The following CTNNB1 variants were observed in gnomAD, a reference collection of about 807,000 sequenced individuals.
CTNNB1 encodes catenin beta-1.
CTNNB1 carries 6 observed loss-of-function variants against 82.5 expected under a neutral mutation model. That is an observed-to-expected ratio of 0.07 (90% CI 0.04 to 0.14). The LOEUF (loss-of-function observed/expected upper bound fraction) is 0.14. Ranked by LOEUF, CTNNB1 falls within the 10% of genes least tolerant of loss-of-function variation. CTNNB1 has a pLI of 1.00. For missense variants in CTNNB1, 529 were observed against 980.4 expected (o/e 0.54, Z 6.15); for synonymous variants, 312 against 329.7 (o/e 0.95, Z 0.58).
At chr3:41,237,952 A>T in intron 13 of CTNNB1, 64 bp from the exon 14 acceptor site, 1 of 1,358,224 alleles carries the variant, frequency 7.4e-7, no homozygotes, top group Non-Finnish European at 1.1e-6. Context: ...AAAAAAAATT[A>T]GTGTACTTTT....
chr3:41,223,963 T>G, intron 1 of CTNNB1, 58 bp from the exon 2 acceptor site: 1 of 1,208,592 alleles, frequency 8.3e-7, no homozygotes, highest in South Asian at 1.2e-5. Flanking sequence ...CCCAGTGACT[T>G]AGGAGTATTA....
chr3:41,232,264 TG>T (rs2078326749), intron 7 of CTNNB1, among the ~76,000 whole-genome samples: 1 of 152,058 alleles, frequency 6.6e-6, no homozygotes, highest in African/African-American at 2.4e-5. Context: ...AGGGAGGGAA[TG>T]AAGTCTTAAA....
At chr3:41,213,434 T>G (rs1054619885) in intron 1 of CTNNB1, among the ~76,000 whole-genome samples, 2 of 152,242 alleles carry the variant, frequency 1.3e-5, no homozygotes, top group African/African-American at 4.8e-5. Context: ...AGTTACATAC[T>G]TTTTTGTAAT....
At chr3:41,238,157 CTGGGAAACCAGTGT>C (rs2078485553) in intron 14 of CTNNB1, 81 bp downstream of exon 14, 2 of 1,278,834 alleles carry the variant, frequency 1.6e-6, no homozygotes, top group Middle Eastern at 1.8e-4. Flanking sequence ...GTTTGCTCAT[CTGGGAAACCAGTGT>C]TGGCAGAAAA....
chr3:41,222,288 T>C (rs2078068208), intron 1 of CTNNB1: 1 of 152,232 alleles, frequency 6.6e-6, no homozygotes, highest in Non-Finnish European at 1.5e-5. Context: ...TTGATTTCTT[T>C]AGCAGTTAAT....
In CTNNB1 at chr3:41,204,162, A is replaced by G. The variant is rs1207418672; in HGVS notation, c.-49+4492A>G. 3.3e-5 allele frequency among the ~76,000 whole-genome samples: 5 copies of G among 152,212 alleles called. No homozygotes were observed. The East Asian group carries it at 9.7e-4, about 30-fold the overall frequency. On this transcript the variant is annotated intron_variant, in intron 1 of 14. Coordinates refer to ENST00000349496, the MANE Select transcript of CTNNB1 (RefSeq NM_001904.4). ...GAATGATTATTTCAGGATGGATTAA[A>G]TATTCCTCCATCAAGGACCATACTT...
At chr3:41,235,911 A>G in intron 11 of CTNNB1, 68 bp downstream of exon 11, 5 of 1,561,796 alleles carry the variant, frequency 3.2e-6, no homozygotes, top group Non-Finnish European at 4.4e-6. Context: ...GACTAATAAC[A>G]TTTCAGAAAA....
At chr3:41,219,376 A>G (rs560831693) in intron 1 of CTNNB1, among the ~76,000 whole-genome samples, 1 of 152,310 alleles carries the variant, frequency 6.6e-6, no homozygotes, top group South Asian at 2.1e-4. Flanking sequence ...AATTATTTTA[A>G]ACAGTAAAAT....
intron 7 of CTNNB1, among the ~76,000 whole-genome samples, chr3:41,228,636 TTGCCAGTACTTTCTCCCA>T (rs1394814110): frequency 9.8e-5 from 15 of 152,330 alleles, no homozygotes; most frequent in African/African-American, 2.6e-4. Context: ...GATGCATAGT[TTGCCAGTACTTTCTCCCA>T]TGCCAGTACT....
intron 1 of CTNNB1, among the ~76,000 whole-genome samples, chr3:41,211,318 T>A (rs1274278638): frequency 6.6e-6 from 1 of 152,196 alleles, no homozygotes; most frequent in East Asian, 1.9e-4. Context: ...TGTCTTCATA[T>A]CCAAAAATAT....
chr3:41,211,633 G>C (rs1451103221), intron 1 of CTNNB1, among the ~76,000 whole-genome samples: 3 of 152,084 alleles, frequency 2.0e-5, no homozygotes. Context: ...ATTTGATTTT[G>C]TTTCTGTGTT....
intron 1 of CTNNB1, among the ~76,000 whole-genome samples, chr3:41,217,960 T>G (rs2077952653): frequency 6.6e-6 from 1 of 152,206 alleles, no homozygotes; most frequent in Non-Finnish European, 1.5e-5. Context: ...GATTTGTTGC[T>G]CAGATTTTAA....
At chr3:41,231,406 G>C (rs1009350583) in intron 7 of CTNNB1, among the ~76,000 whole-genome samples, 1 of 152,038 alleles carries the variant, frequency 6.6e-6, no homozygotes, top group Non-Finnish European at 1.5e-5. Flanking sequence ...TTAGTAATGA[G>C]GTGGATGGCC....
At chr3:41,212,566 C>T (rs2077818819) in intron 1 of CTNNB1, among the ~76,000 whole-genome samples, 1 of 152,202 alleles carries the variant, frequency 6.6e-6, no homozygotes, top group Admixed American at 6.5e-5. Flanking sequence ...TTTCTTACCT[C>T]TAGCACAGCA....
At chr3:41,224,377 C>G in intron 2 of CTNNB1, 149 bp from the exon 3 acceptor site, 2 of 857,610 alleles carry the variant, frequency 2.3e-6, no homozygotes, top group Non-Finnish European at 3.8e-6. Flanking sequence ...ACTGAGCTAA[C>G]CCTGGCTATC....
rs2125637503 is a variant in CTNNB1, at chr3:41,233,347, T to C, written c.1088T>C (p.Met363Thr). The change falls in exon 8 of 15, where the codon ATG becomes ACG. Residue 363 changes from methionine (M) to threonine (T), a missense_variant. Transcript: ENST00000349496. ...ATCCTTTTTAATTTTCTAGGTGGAA[T>C]GCAAGCTTTAGGACTTCACCTGACA... Reference protein sequence around the residue: ...NKPAIVEAGGMQALGLHLTDP... With the variant: ...NKPAIVEAGGTQALGLHLTDP... The C allele has an allele frequency of 1.2e-6, 2 of 1,614,198 alleles. No homozygotes were observed. Among genetic ancestry groups the C allele is most frequent in the Non-Finnish European group, 1.7e-6 (2 of 1,180,014 alleles).
At chr3:41,234,034 C>A in intron 9 of CTNNB1, 105 bp from the exon 10 acceptor site, 1 of 1,507,156 alleles carries the variant, frequency 6.6e-7, no homozygotes, top group Non-Finnish European at 9.2e-7. Flanking sequence ...TTTGTGTAGT[C>A]AGAACTACTT....
At chr3:41,214,352 T>G (rs1335184182) in intron 1 of CTNNB1, among the ~76,000 whole-genome samples, 1 of 151,722 alleles carries the variant, frequency 6.6e-6, no homozygotes, top group Non-Finnish European at 1.5e-5. Flanking sequence ...AGGATCTGAT[T>G]GCCAGTTTAA....
chr3:41,204,515 A>G (rs1201466268), intron 1 of CTNNB1, among the ~76,000 whole-genome samples: 2 of 152,192 alleles, frequency 1.3e-5, no homozygotes, highest in Non-Finnish European at 2.9e-5. Flanking sequence ...CTCCAGGGCC[A>G]GTTAGGTATT....
Sources: gnomAD v4.1 joint callset for allele counts (sites outside exome capture counted in the v4.1 genomes callset) on GRCh38, gnomAD v4.1.1 for gene constraint, MANE v1.5 for transcripts, NCBI Gene and HGNC (gene_info 2026-07-23, HGNC 2026-07-21) for gene names.